The following LDB3 variants were observed in gnomAD, a reference collection of about 807,000 sequenced individuals.
The protein encoded by LDB3 is LIM domain binding 3.
A neutral mutation model predicts 69.0 loss-of-function variants in LDB3; 49 were observed. The ratio of observed to expected loss-of-function variants is 0.71; its 90% CI spans 0.56 to 0.90. The LOEUF is 0.90. LDB3 is among the 40% of genes least tolerant of loss of function. The pLI is 0.00. For missense variants in LDB3, 928 were observed against 974.1 expected (o/e 0.95, Z 0.63); for synonymous variants, 387 against 396.2 (o/e 0.98, Z 0.28).
Position 86,699,825 on chromosome 10 carries a change from C to T in LDB3, c.897-6706C>T. 9.7e-7 allele frequency: 1 copy of T among 1,028,364 alleles called. No individual in the cohort carries two copies. Among genetic ancestry groups the T allele is most frequent in the Non-Finnish European group, 1.2e-6 (1 of 855,766 alleles). 63.7% of individuals were successfully genotyped at this position (1,028,364 alleles called of 1,614,324 possible). A position where few individuals can be genotyped will look rare whatever the true frequency, so the allele number is the denominator to read the frequency against. ...CTGGGGAAGAGGCTGATCCCTGGCG[C>T]TGCCCGGCTCCCTCGCTGCCCTCTG... On this transcript the variant is annotated intron_variant, in intron 7 of 13. Coordinates refer to ENST00000361373, the MANE Select transcript of LDB3 (RefSeq NM_007078.3). The surrounding 1 kb of genome is among the most constrained non-coding windows in gnomAD (Gnocchi z 4.9).
chr10:86,707,189 G>A (rs1382083762), intron 8 of LDB3, among the ~76,000 whole-genome samples: 2 of 152,094 alleles, frequency 1.3e-5, no homozygotes, highest in Non-Finnish European at 2.9e-5. Flanking sequence ...GAGCTGGGCA[G>A]GGAAGGCAGG....
intron 2 of LDB3, among the ~76,000 whole-genome samples, chr10:86,670,223 A>G (rs368304650): frequency 6.6e-6 from 1 of 151,810 alleles, no homozygotes. Context: ...TGGAGATTCC[A>G]CCCCTCCAGA....
chr10:86,694,738 A>T (rs1845926876), intron 7 of LDB3, among the ~76,000 whole-genome samples: 1 of 152,192 alleles, frequency 6.6e-6, no homozygotes, highest in Non-Finnish European at 1.5e-5. Context: ...AGCCTAAAGC[A>T]GTGTGTGTGA....
intron 7 of LDB3, among the ~76,000 whole-genome samples, chr10:86,700,695 G>T (rs1447435095): frequency 6.6e-6 from 1 of 152,206 alleles, no homozygotes; most frequent in African/African-American, 2.4e-5. Flanking sequence ...GCTAGGAAGG[G>T]CAGCAGCAGC....
chr10:86,732,799 T>C, intron 13 of LDB3, 88 bp from the exon 14 acceptor site: 1 of 1,054,016 alleles, frequency 9.5e-7, no homozygotes, highest in East Asian at 2.6e-5. Flanking sequence ...CCACCACGCC[T>C]GGCCAGGGCG....
At chr10:86,724,077 G>A (rs140773911) in intron 12 of LDB3, among the ~76,000 whole-genome samples, 81 of 152,220 alleles carry the variant, frequency 5.3e-4, no homozygotes, top group East Asian at 3.1e-3. Flanking sequence ...TTGGGAGGCC[G>A]AGGCAGGTGG....
intron 5 of LDB3, among the ~76,000 whole-genome samples, chr10:86,684,435 G>T (rs1845346311): frequency 6.6e-6 from 1 of 152,258 alleles, no homozygotes; most frequent in African/African-American, 2.4e-5. Context: ...CCCTCTGCAG[G>T]GGGCCCTGGG....
At chr10:86,684,264 A>G (rs974627675) in intron 5 of LDB3, among the ~76,000 whole-genome samples, 1 of 152,208 alleles carries the variant, frequency 6.6e-6, no homozygotes, top group African/African-American at 2.4e-5. Flanking sequence ...CATCTTCCCC[A>G]AGACCCAGGC....
intron 7 of LDB3, among the ~76,000 whole-genome samples, chr10:86,695,322 C>T (rs1343394692): frequency 6.6e-6 from 1 of 152,218 alleles, no homozygotes; most frequent in African/African-American, 2.4e-5. Flanking sequence ...GGTCCACCCC[C>T]AGAGTCCCAG....
chr10:86,695,928 C>T (rs1317193073), intron 7 of LDB3, among the ~76,000 whole-genome samples: 4 of 152,206 alleles, frequency 2.6e-5, no homozygotes, highest in Non-Finnish European at 5.9e-5. Flanking sequence ...GCAGCCTCTG[C>T]GTTTCCCTGA....
intron 12 of LDB3, among the ~76,000 whole-genome samples, chr10:86,725,453 G>A (rs1360963366): frequency 6.6e-6 from 1 of 152,156 alleles, no homozygotes; most frequent in East Asian, 1.9e-4. Context: ...ATATGTTTTG[G>A]ATATTGACTG....
chr10:86,681,907 A>C, intron 5 of LDB3, 104 bp downstream of exon 5: 1 of 1,200,106 alleles, frequency 8.3e-7, no homozygotes, highest in Non-Finnish European at 1.2e-6. Context: ...ACTGGCCCCA[A>C]TCCAGCCAGC....
At position 86,732,948 on chromosome 10, in the gene LDB3, A is replaced by C. The variant is rs544854881; in HGVS notation, c.2156A>C (p.Lys719Thr). The change falls in exon 14 of 14, where the codon AAG (lysine) becomes ACG (threonine). Residue 719 changes from lysine to threonine, a missense_variant. Physicochemically the swap from Lys to Thr is moderately conservative, Grantham distance 78. Coordinates refer to ENST00000361373, the MANE Select transcript of LDB3 (RefSeq NM_007078.3). ...TCCAAGAAGGACAGACCCCTGTGCA[A>C]GAAGCACGCACACACCATCAACTTG... ...FYSKKDRPLC[K>T]KHAHTINL The C allele has an allele frequency of 6.2e-7, 1 of 1,613,912 alleles. No individual in the cohort carries two copies. Among genetic ancestry groups the C allele is most frequent in the East Asian group, 2.2e-5 (1 of 44,874 alleles).
At chr10:86,673,207 G>T (rs1844583915) in intron 2 of LDB3, among the ~76,000 whole-genome samples, 1 of 152,264 alleles carries the variant, frequency 6.6e-6, no homozygotes, top group South Asian at 2.1e-4. Flanking sequence ...AAATGGAACT[G>T]TGGACCTGGA....
At chr10:86,668,350 T>G, upstream of LDB3, 1 of 386,490 alleles carries the variant, frequency 2.6e-6, no homozygotes, top group South Asian at 2.4e-5. Context: ...CCCTGGGGGG[T>G]GCTGGGTGCC....
Position 86,668,742 on chromosome 10 carries a change from G to GCCC in LDB3, c.52_53insCCC (p.Leu17_Gln18insPro). 1 of 1,613,352 alleles carries GCCC rather than the reference G, an allele frequency of 6.2e-7. No homozygotes were observed. Among genetic ancestry groups the GCCC allele is most frequent in the Non-Finnish European group, 8.5e-7 (1 of 1,180,006 alleles). On this transcript the variant is annotated inframe_insertion, in exon 2 of 14. Transcript: ENST00000361373. The stretch of plus-strand genomic sequence containing the variant: ...GGCCCGGGCCCTGGGGCTTCCGTCT[G>GCCC]CAGGGGGGCAAGGACTTCAACATGC...
In LDB3 at chr10:86,682,440, C is replaced by A. The variant is rs193159234; in HGVS notation, c.689+637C>A. On this transcript the variant is annotated intron_variant, in intron 5 of 13. Transcript: ENST00000361373. Reference sequence around the variant, plus strand: ...GCTGTGCAGGAGAACAGCAGCCTCACCCCTAAGGTCTAGCTGGCGGGACTC... The same window carrying A: ...GCTGTGCAGGAGAACAGCAGCCTCAACCCTAAGGTCTAGCTGGCGGGACTC... 3.2e-4 allele frequency among the ~76,000 whole-genome samples: 48 copies of A among 152,176 alleles called. No homozygotes were observed. In the East Asian group the frequency reaches 9.1e-3, roughly 29 times the overall value.
chr10:86,706,574 A>G lies in LDB3; in HGVS notation c.940A>G (p.Thr314Ala), dbSNP rs756910859. ...GCCGGTGTGCACCAGCCAGGCCACC[A>G]CCCCGCTGCTGCCCGCTTCTGCCCA... is the stretch of plus-strand genomic sequence containing the variant. ...HAPVCTSQAT[T>A]PLLPASAQPP... The change falls in exon 8 of 14, where the codon ACC (threonine) becomes GCC (alanine). Residue 314 changes from threonine (T) to alanine (A), a missense_variant. By Grantham distance (58) the Thr-to-Ala change is moderately conservative. Transcript: ENST00000361373. 3 of 1,612,706 alleles carry G rather than the reference A, an allele frequency of 1.9e-6. No individual in the cohort carries two copies. In the East Asian group the frequency reaches 6.7e-5, roughly 36 times the overall value.
intron 7 of LDB3, among the ~76,000 whole-genome samples, chr10:86,701,952 A>G (rs1377072715): frequency 6.6e-6 from 1 of 152,200 alleles, no homozygotes; most frequent in Admixed American, 6.5e-5. Flanking sequence ...TGCCTTTCAC[A>G]CTATAGCTGA....
Sources: gnomAD v4.1 joint callset for allele counts (sites outside exome capture counted in the v4.1 genomes callset) on GRCh38, gnomAD v4.1.1 for gene constraint, Gnocchi (gnomAD v3.1) non-coding constraint, MANE v1.5 for transcripts, NCBI Gene and HGNC (gene_info 2026-07-23, HGNC 2026-07-21) for gene names.